The following CLSTN2 variants were observed in gnomAD, a reference collection of about 807,000 sequenced individuals.
The protein encoded by CLSTN2 is calsyntenin 2.
CLSTN2 carries 48 observed loss-of-function variants against 101.2 expected under a neutral mutation model. The ratio of observed to expected loss-of-function variants is 0.47; its 90% CI spans 0.38 to 0.60. The LOEUF (loss-of-function observed/expected upper bound fraction) is 0.60, where lower values mean the gene tolerates loss of function less well. Ranked by LOEUF, CLSTN2 falls within the 20% of genes least tolerant of loss-of-function variation. The pLI, the probability that CLSTN2 is intolerant of heterozygous loss-of-function variation, is 0.00. For synonymous variants in CLSTN2, 481 were observed against 463.6 expected, an observed-to-expected ratio of 1.04 and a Z score of -0.48; for missense variants, 1,160 against 1,238.2, an observed-to-expected ratio of 0.94 and a Z score of 0.95.
At chr3:140,291,388 T>C (rs1303730045) in intron 2 of CLSTN2, among the ~76,000 whole-genome samples, 1 of 151,790 alleles carries the variant, frequency 6.6e-6, no homozygotes, top group African/African-American at 2.4e-5. Context: ...AGATAAGTGC[T>C]TCCCCTCCCC....
At chr3:140,522,713 C>A (rs1446041111) in intron 8 of CLSTN2, among the ~76,000 whole-genome samples, 3 of 152,192 alleles carry the variant, frequency 2.0e-5, no homozygotes, top group African/African-American at 7.2e-5. Flanking sequence ...TCTCATCTAT[C>A]TTCAGATTCA....
At chr3:140,559,560 A>AGGGGGGG (rs1299690699) in intron 12 of CLSTN2, among the ~76,000 whole-genome samples, 6 of 135,572 alleles carry the variant, frequency 4.4e-5, no homozygotes, top group Non-Finnish European at 6.3e-5. Flanking sequence ...GGCGGGGGTC[A>AGGGGGGG]GGGGGGCGGG....
At chr3:140,237,001 G>A (rs916616009) in intron 2 of CLSTN2, among the ~76,000 whole-genome samples, 6 of 151,484 alleles carry the variant, frequency 4.0e-5, no homozygotes, top group African/African-American at 7.3e-5. Context: ...CTATTTCTAC[G>A]AACTATCTCT....
chr3:140,057,843 T>C (rs1202734769), intron 1 of CLSTN2, among the ~76,000 whole-genome samples: 1 of 152,214 alleles, frequency 6.6e-6, no homozygotes, highest in Non-Finnish European at 1.5e-5. Context: ...CATAGATTCC[T>C]ATAAACTAGG....
In CLSTN2 at chr3:140,537,691, G is replaced by A. The variant is rs562118720; in HGVS notation, c.1507+5205G>A. The stretch of plus-strand genomic sequence containing the variant: ...TCTTTATTTCTCTCTGGGTCACAAC[G>A]TAAAAGATCATTTAAAAGACTAAAT... On this transcript the variant is annotated intron_variant, in intron 9 of 16. Coordinates refer to ENST00000458420, the MANE Select transcript of CLSTN2 (RefSeq NM_022131.3). Among the ~76,000 whole-genome samples, 4 of 152,256 alleles carry A rather than the reference G, an allele frequency of 2.6e-5. No individual in the cohort carries two copies. In the East Asian group the frequency reaches 7.7e-4, roughly 29 times the overall value.
At chr3:140,086,419 T>C (rs2008681372) in intron 1 of CLSTN2, among the ~76,000 whole-genome samples, 1 of 152,214 alleles carries the variant, frequency 6.6e-6, no homozygotes, top group South Asian at 2.1e-4. Flanking sequence ...ACTCAATATC[T>C]TCATATGTCA....
intron 1 of CLSTN2, among the ~76,000 whole-genome samples, chr3:140,017,072 A>G (rs1450044677): frequency 6.6e-6 from 1 of 152,168 alleles, no homozygotes; most frequent in Non-Finnish European, 1.5e-5. Context: ...GTGCTCTTTC[A>G]TGAAAGCTGT....
chr3:140,206,751 A>C (rs1431156212), intron 2 of CLSTN2, among the ~76,000 whole-genome samples: 1 of 152,236 alleles, frequency 6.6e-6, no homozygotes, highest in Non-Finnish European at 1.5e-5. Flanking sequence ...AGACATTTGT[A>C]CTTGCCCTGT....
chr3:140,438,926 G>A (rs971811181), intron 5 of CLSTN2, among the ~76,000 whole-genome samples: 1 of 152,208 alleles, frequency 6.6e-6, no homozygotes, highest in Non-Finnish European at 1.5e-5. Context: ...CTGCAGCCGA[G>A]CCTTGGGTGG....
At chr3:140,554,922 G>T (rs1056117993) in intron 10 of CLSTN2, among the ~76,000 whole-genome samples, 1 of 152,126 alleles carries the variant, frequency 6.6e-6, no homozygotes, top group African/African-American at 2.4e-5. Context: ...AGAAAAAAAT[G>T]GAAATCTATA....
intron 8 of CLSTN2, among the ~76,000 whole-genome samples, chr3:140,480,294 C>A (rs1576590970): frequency 6.6e-6 from 1 of 152,152 alleles, no homozygotes; most frequent in African/African-American, 2.4e-5. Flanking sequence ...TTTATGGCTG[C>A]ATAGTATTCC....
chr3:140,388,497 A>G (rs947038090), intron 2 of CLSTN2, among the ~76,000 whole-genome samples: 3 of 152,260 alleles, frequency 2.0e-5, no homozygotes, highest in African/African-American at 7.2e-5. Context: ...AGCCAGGCAC[A>G]GAAGCTTCTA....
intron 2 of CLSTN2, among the ~76,000 whole-genome samples, chr3:140,235,150 A>G (rs1310452534): frequency 1.3e-5 from 2 of 152,234 alleles, no homozygotes; most frequent in Admixed American, 6.5e-5. Context: ...TATTTCTAGC[A>G]CATCGAAGTT....
At chr3:140,303,871 C>T (rs2087085744) in intron 2 of CLSTN2, among the ~76,000 whole-genome samples, 1 of 151,546 alleles carries the variant, frequency 6.6e-6, no homozygotes. Context: ...TCAACATTCA[C>T]TGGGAGGGCC....
intron 1 of CLSTN2, among the ~76,000 whole-genome samples, chr3:140,014,166 GA>G (rs1213066104): frequency 2.0e-5 from 3 of 152,148 alleles, no homozygotes; most frequent in African/African-American, 7.2e-5. Context: ...TTGAGTTAGA[GA>G]AGTAATGTCG....
At chr3:140,132,128 C>T (rs1321339608) in intron 1 of CLSTN2, among the ~76,000 whole-genome samples, 2 of 152,098 alleles carry the variant, frequency 1.3e-5, no homozygotes, top group Admixed American at 6.6e-5. Context: ...TGATACATAT[C>T]GCTATTCTGC....
At chr3:140,044,513 C>T (rs2007828480) in intron 1 of CLSTN2, among the ~76,000 whole-genome samples, 1 of 152,032 alleles carries the variant, frequency 6.6e-6, no homozygotes, top group South Asian at 2.1e-4. Context: ...TAATTGAATA[C>T]CCTTTATTTC....
chr3:140,539,415 T>C (rs1372985268), intron 9 of CLSTN2, among the ~76,000 whole-genome samples: 2 of 152,162 alleles, frequency 1.3e-5, no homozygotes, highest in Admixed American at 6.5e-5. Context: ...AAAATCAAGT[T>C]TAAAGTTCAG....
intron 2 of CLSTN2, among the ~76,000 whole-genome samples, chr3:140,276,329 G>T (rs1002866206): frequency 3.3e-5 from 5 of 152,162 alleles, no homozygotes; most frequent in African/African-American, 1.2e-4. Context: ...CTTCCAGAAA[G>T]CAGTCTTTCC....
Sources: allele counts gnomAD v4.1 joint callset (sites outside exome capture counted in the v4.1 genomes callset), GRCh38; gene constraint gnomAD v4.1.1; transcripts MANE v1.5; gene names NCBI Gene and HGNC (gene_info 2026-07-23, HGNC 2026-07-21).